The following CFAP70 variants were observed in gnomAD, a reference collection of about 807,000 sequenced individuals.
CFAP70 encodes the protein cilia and flagella associated protein 70.
Under a neutral mutation model 137.6 loss-of-function variants are expected in CFAP70, and 81 were observed. The ratio of observed to expected loss-of-function variants is 0.59; its 90% confidence interval spans 0.49 to 0.71. CFAP70 has a LOEUF of 0.71. CFAP70 is among the 30% of genes least tolerant of loss of function. The pLI, the probability that CFAP70 is intolerant of heterozygous loss-of-function variation, is 0.00. For missense variants in CFAP70, 976 were observed against 1,226.7 expected (o/e 0.80, Z 3.05); for synonymous variants, 382 against 423.6 (o/e 0.90, Z 1.20).
chr10:73,306,426 A>T (rs2049383249), intron 12 of CFAP70, among the ~76,000 whole-genome samples: 1 of 152,246 alleles, frequency 6.6e-6, no homozygotes, highest in Non-Finnish European at 1.5e-5. Context: ...CACAAAGACA[A>T]AGAAAAAATA....
intron 5 of CFAP70, among the ~76,000 whole-genome samples, chr10:73,342,900 C>T (rs1421521571): frequency 6.6e-6 from 1 of 151,876 alleles, no homozygotes; most frequent in African/African-American, 2.4e-5. Context: ...TATGGTGAAA[C>T]CCCATCTCTA....
intron 7 of CFAP70, among the ~76,000 whole-genome samples, chr10:73,334,905 A>T (rs1288805863): frequency 3.4e-4 from 49 of 144,814 alleles, no homozygotes; most frequent in African/African-American, 1.2e-3. Flanking sequence ...TTTTTAAGAG[A>T]CAAGGTGTCA....
In CFAP70 at chr10:73,354,719, C is replaced by T. The variant is rs1041383733; in HGVS notation, c.63+15G>A. 1 of 1,612,952 alleles carries T rather than the reference C, an allele frequency of 6.2e-7. No homozygotes were observed. The highest frequency in any genetic ancestry group is 8.5e-7 in the Non-Finnish European group (1 of 1,179,262). ...CAAACTAAGGATTTTTGTAAATTTC[C>T]AAAAGTAACTTTACCAAATCATATC... is the stretch of plus-strand genomic sequence containing the variant. On this transcript the variant is annotated intron_variant, in intron 2 of 26. Transcript: ENST00000310715.
At chr10:73,277,499 G>A in intron 20 of CFAP70, 138 bp from the exon 22 acceptor site, 1 of 853,218 alleles carries the variant, frequency 1.2e-6, no homozygotes, top group Non-Finnish European at 1.7e-6. Context: ...CAGATCACGA[G>A]GTCAGGAGTT....
chr10:73,311,991 C>G (rs2049958244), intron 10 of CFAP70, 77 bp from the exon 12 acceptor site: 3 of 1,113,866 alleles, frequency 2.7e-6, no homozygotes, highest in Admixed American at 3.9e-5. Context: ...GTTCTCTACA[C>G]TGCATCAAAA....
chr10:73,277,686 C>CT (rs367555959), intron 20 of CFAP70, among the ~76,000 whole-genome samples: 366 of 151,344 alleles, frequency 2.4e-3, no homozygotes, highest in African/African-American at 8.4e-3. Flanking sequence ...GCACTCCAGC[C>CT]TGGCAACAGA....
intron 25 of CFAP70, among the ~76,000 whole-genome samples, chr10:73,264,746 T>C (rs2045593356): frequency 6.6e-6 from 1 of 152,260 alleles, no homozygotes; most frequent in Non-Finnish European, 1.5e-5. Context: ...TACCATGAGT[T>C]AATTATTTTT....
intron 4 of CFAP70, chr10:73,345,144 T>A (rs141866204): frequency 6.2e-7 from 1 of 1,614,034 alleles, no homozygotes; most frequent in Non-Finnish European, 8.5e-7. Flanking sequence ...AGGCACAGAG[T>A]AAGCAGCCTC....
At chr10:73,359,999 T>C (rs2054944439), upstream of CFAP70, among the ~76,000 whole-genome samples, 1 of 152,200 alleles carries the variant, frequency 6.6e-6, no homozygotes, top group Non-Finnish European at 1.5e-5. Flanking sequence ...CTGGGAACTG[T>C]CTCTGACTGA....
At chr10:73,282,930 TAA>T (rs1397848896) in intron 19 of CFAP70, among the ~76,000 whole-genome samples, 10 of 150,686 alleles carry the variant, frequency 6.6e-5, no homozygotes, top group Non-Finnish European at 1.5e-4. Context: ...CCTCCGGAGT[TAA>T]AGTGATTGTC....
chr10:73,347,876 T>C (rs1464365151), intron 4 of CFAP70, among the ~76,000 whole-genome samples: 2 of 152,216 alleles, frequency 1.3e-5, no homozygotes, highest in Non-Finnish European at 2.9e-5. Context: ...TAAGCCTTCC[T>C]TGCCTCTACC....
At chr10:73,271,829 A>G (rs1184436326) in intron 24 of CFAP70, among the ~76,000 whole-genome samples, 1 of 152,040 alleles carries the variant, frequency 6.6e-6, no homozygotes, top group East Asian at 1.9e-4. Flanking sequence ...CCTTCCAAGT[A>G]TCTGGGACTA....
intron 3 of CFAP70, among the ~76,000 whole-genome samples, chr10:73,353,102 T>A (rs184663062): frequency 2.0e-5 from 3 of 152,344 alleles, no homozygotes; most frequent in African/African-American, 7.2e-5. Flanking sequence ...TATATATTCT[T>A]TAATGGTTAG....
intron 25 of CFAP70, among the ~76,000 whole-genome samples, chr10:73,260,288 C>T (rs1321172299): frequency 6.6e-6 from 1 of 152,072 alleles, no homozygotes; most frequent in African/African-American, 2.4e-5. Flanking sequence ...AGGATCGTCC[C>T]ACTGCACTGC....
chr10:73,343,027 G>A (rs1213298484), intron 5 of CFAP70, among the ~76,000 whole-genome samples: 1 of 151,934 alleles, frequency 6.6e-6, no homozygotes, highest in Non-Finnish European at 1.5e-5. Flanking sequence ...TGGCTAATAC[G>A]GTGAAACCCC....
At chr10:73,259,893 G>A (rs1297864008) in intron 25 of CFAP70, among the ~76,000 whole-genome samples, 2 of 151,624 alleles carry the variant, frequency 1.3e-5, no homozygotes, top group East Asian at 1.9e-4. Context: ...TAGGCATGGT[G>A]GCACACATCT....
chr10:73,305,371 T>C (rs1296314213), intron 12 of CFAP70, among the ~76,000 whole-genome samples: 1 of 152,170 alleles, frequency 6.6e-6, no homozygotes, highest in Non-Finnish European at 1.5e-5. Flanking sequence ...ATTAGAGCAT[T>C]CAAAAGTACT....
At chr10:73,278,446 T>G in intron 19 of CFAP70, 109 bp from the exon 21 acceptor site, 1 of 835,266 alleles carries the variant, frequency 1.2e-6, no homozygotes, top group Non-Finnish European at 1.8e-6. Context: ...CCCTAAATAT[T>G]TCATGAAGGA....
At chr10:73,303,025 T>G (rs903466141) in intron 12 of CFAP70, among the ~76,000 whole-genome samples, 8 of 151,010 alleles carry the variant, frequency 5.3e-5, no homozygotes, top group Non-Finnish European at 1.2e-4. Flanking sequence ...CACCACCGGG[T>G]AGCTCGGACT....
Sources: gnomAD v4.1 joint callset for allele counts (sites outside exome capture counted in the v4.1 genomes callset) on GRCh38, gnomAD v4.1.1 for gene constraint, MANE v1.5 for transcripts, NCBI Gene and HGNC (gene_info 2026-07-23, HGNC 2026-07-21) for gene names.